Variants in NFIB observed in about 807,000 individuals in gnomAD.
NFIB encodes nuclear factor I B, also known as nuclear factor 1 B-type.
NFIB carries 11 observed loss-of-function variants against 61.5 expected under a neutral mutation model. The ratio of observed to expected loss-of-function variants is 0.18; its 90% CI spans 0.11 to 0.30. The LOEUF is 0.30. Among genes scored for constraint, NFIB ranks in the 10% least tolerant of loss-of-function variants. The pLI is 1.00. For synonymous variants in NFIB, 260 were observed against 216.5 expected, an observed-to-expected ratio of 1.20 and a Z score of -1.76; for missense variants, 471 against 608.9, an observed-to-expected ratio of 0.77 and a Z score of 2.38.
chr9:14,334,788 A>G (rs1165061264), intron 1 of NFIB, among the ~76,000 whole-genome samples: 11 of 152,214 alleles, frequency 7.2e-5, no homozygotes, highest in Admixed American at 7.2e-4. Flanking sequence ...CCATCAAGAT[A>G]GGCAACATTT....
intron 1 of NFIB, among the ~76,000 whole-genome samples, chr9:14,383,797 C>T (rs892440498): frequency 2.6e-5 from 4 of 152,140 alleles, no homozygotes; most frequent in Admixed American, 6.5e-5. Flanking sequence ...CAAACTATAT[C>T]GCCATATCTA....
At chr9:14,515,762 G>A in the NFIB span, among the ~76,000 whole-genome samples, 1 of 152,166 alleles carries the variant, frequency 6.6e-6, no homozygotes, top group African/African-American at 2.4e-5. Context: ...GGTTGGGGGT[G>A]GGGCCTGAGT....
At chr9:14,190,053 A>T (rs10810104) in intron 2 of NFIB, among the ~76,000 whole-genome samples, 114,760 of 151,978 alleles carry the variant, frequency 0.76, 45,036 homozygotes, top group South Asian at 0.91. Flanking sequence ...TTCCTAAAAA[A>T]TTTTTTAAAT....
At chr9:14,305,366 T>C (rs1333087120) in intron 2 of NFIB, among the ~76,000 whole-genome samples, 2 of 152,196 alleles carry the variant, frequency 1.3e-5, no homozygotes, top group Non-Finnish European at 2.9e-5. Context: ...CATCCTTGAC[T>C]TTCACAACAC....
At chr9:14,274,191 A>C (rs1288220470) in intron 2 of NFIB, among the ~76,000 whole-genome samples, 1 of 147,128 alleles carries the variant, frequency 6.8e-6, no homozygotes, top group African/African-American at 2.5e-5. Context: ...CTTCCTCCTA[A>C]GTGATCTTTT....
intron 2 of NFIB, among the ~76,000 whole-genome samples, chr9:14,228,281 G>A (rs1392257937): frequency 1.4e-5 from 2 of 147,870 alleles, no homozygotes; most frequent in African/African-American, 2.5e-5. Flanking sequence ...TGCAGCCTCC[G>A]CCTCCCAGGT....
the NFIB span, among the ~76,000 whole-genome samples, chr9:14,438,999 G>A: frequency 6.6e-5 from 10 of 152,212 alleles, no homozygotes; most frequent in South Asian, 2.1e-4. Context: ...GAAAAGTGTC[G>A]GCCGGAAGGA....
the NFIB span, among the ~76,000 whole-genome samples, chr9:14,476,591 A>T: frequency 5.3e-4 from 80 of 152,176 alleles, 2 homozygotes; most frequent in Admixed American, 2.0e-3. Context: ...CTTCAGGATT[A>T]TTTCTCCTTG....
chr9:14,315,596 C>T (rs1197061448), upstream of NFIB, among the ~76,000 whole-genome samples: 4 of 145,550 alleles, frequency 2.7e-5, no homozygotes, highest in Admixed American at 1.4e-4. Flanking sequence ...GGCTGCGGGC[C>T]CTGAGCCGCT....
intron 2 of NFIB, among the ~76,000 whole-genome samples, chr9:14,302,278 A>G (rs2059789924): frequency 6.6e-6 from 1 of 152,268 alleles, no homozygotes; most frequent in Non-Finnish European, 1.5e-5. Context: ...AACTGTAGGA[A>G]GAAAATAATT....
At chr9:14,103,492 T>C (rs2036076315) in intron 10 of NFIB, among the ~76,000 whole-genome samples, 1 of 152,124 alleles carries the variant, frequency 6.6e-6, no homozygotes, top group Admixed American at 6.6e-5. Context: ...TTCCAGATGA[T>C]GACTGGAACC....
chr9:14,102,988 G>A (rs986741132), intron 10 of NFIB, among the ~76,000 whole-genome samples: 19 of 152,110 alleles, frequency 1.2e-4, no homozygotes, highest in East Asian at 1.9e-4. Flanking sequence ...ACAAACATTC[G>A]CCCTAACTTG....
intron 2 of NFIB, among the ~76,000 whole-genome samples, chr9:14,240,414 A>T (rs1353374762): frequency 6.6e-6 from 1 of 152,318 alleles, no homozygotes; most frequent in East Asian, 1.9e-4. Flanking sequence ...AAAGAATTTA[A>T]ATTGCCTTCA....
chr9:14,495,395 G>C, the NFIB span, among the ~76,000 whole-genome samples: 4 of 149,648 alleles, frequency 2.7e-5, no homozygotes, highest in African/African-American at 9.9e-5. Flanking sequence ...GAGCTACTCC[G>C]TGCTTTTGCC....
chr9:14,238,791 G>T (rs1017566036), intron 2 of NFIB, among the ~76,000 whole-genome samples: 1 of 152,110 alleles, frequency 6.6e-6, no homozygotes, highest in African/African-American at 2.4e-5. Context: ...GGGGAAAAAG[G>T]TACAGATAAA....
chr9:14,314,184 G>C, upstream of NFIB: 5 of 767,924 alleles, frequency 6.5e-6, no homozygotes, highest in Non-Finnish European at 7.9e-6. Context: ...CGGGGTGGGG[G>C]CGGGGTGGGA....
intron 2 of NFIB, among the ~76,000 whole-genome samples, chr9:14,232,799 CTTATT>C (rs1563928042): frequency 6.6e-6 from 1 of 152,144 alleles, no homozygotes; most frequent in South Asian, 2.1e-4. Context: ...AACTATTTAA[CTTATT>C]TTATTTAAAT....
At chr9:14,117,191 T>C (rs570360614) in intron 8 of NFIB, among the ~76,000 whole-genome samples, 75 of 152,216 alleles carry the variant, frequency 4.9e-4, no homozygotes, top group African/African-American at 1.6e-3. Context: ...GCATGGAGAG[T>C]TACACAAAAC....
chr9:14,435,208 G>A, the NFIB span, among the ~76,000 whole-genome samples: 8 of 152,348 alleles, frequency 5.3e-5, no homozygotes, highest in East Asian at 1.3e-3. Flanking sequence ...TGAGTCTGGT[G>A]AAAGTTCACC....
Sources: gnomAD v4.1 joint callset for allele counts (sites outside exome capture counted in the v4.1 genomes callset) on GRCh38, gnomAD v4.1.1 for gene constraint, MANE v1.5 for transcripts, NCBI Gene and HGNC (gene_info 2026-07-23, HGNC 2026-07-21) for gene names.